The following NT5DC1 variants were observed in gnomAD, a reference collection of about 807,000 sequenced individuals.
The protein encoded by NT5DC1 is 5'-nucleotidase domain containing 1.
Under a neutral mutation model 59.4 loss-of-function variants are expected in NT5DC1, and 42 were observed. That is an observed-to-expected ratio of 0.71 (90% confidence interval 0.55 to 0.92). NT5DC1 has a LOEUF of 0.92. Ranked by LOEUF, NT5DC1 falls within the 40% of genes least tolerant of loss-of-function variation. The probability of loss-of-function intolerance (pLI) is 0.00; values close to 1 mark genes in which losing one functional copy is unlikely to be tolerated. For synonymous variants in NT5DC1, 172 were observed against 188.1 expected (o/e 0.91, Z 0.70); for missense variants, 501 against 537.1 (o/e 0.93, Z 0.66).
chr6:116,236,887 C>A, intron 8 of NT5DC1, 79 bp from the exon 9 acceptor site: 1 of 820,966 alleles, frequency 1.2e-6, no homozygotes, highest in Non-Finnish European at 2.1e-6. Context: ...TGTCCTGTAG[C>A]CATGCCCTAA....
chr6:116,199,460 T>C (rs1781301748), intron 6 of NT5DC1, among the ~76,000 whole-genome samples: 1 of 152,080 alleles, frequency 6.6e-6, no homozygotes, highest in Non-Finnish European at 1.5e-5. Flanking sequence ...TACCTATCTG[T>C]CATCAATGTT....
rs1223621721 is a variant in NT5DC1, at chr6:116,245,268, A to G, written c.*1244A>G. ...TTTATGCTGTGATTTCACTCTGTCT[A>G]TCATGGGCAGTATTAGAAAACACAC... On this transcript the variant is annotated 3_prime_UTR_variant, in exon 12 of 12. Coordinates refer to ENST00000319550, the MANE Select transcript of NT5DC1 (RefSeq NM_152729.3). 1 of 152,394 alleles carries G rather than the reference A, an allele frequency of 6.6e-6. No homozygotes were observed. The highest frequency in any genetic ancestry group is 1.5e-5 in the Non-Finnish European group (1 of 68,036). The allele number at this position is 152,394 out of a possible 1,614,324, so 9.4% of individuals were successfully genotyped here.
At chr6:116,120,716 C>T in intron 6 of NT5DC1, 2 of 1,579,682 alleles carry the variant, frequency 1.3e-6, no homozygotes, top group South Asian at 2.3e-5. Context: ...TCCTGGATCC[C>T]CTTTAGACCC....
intron 8 of NT5DC1, among the ~76,000 whole-genome samples, chr6:116,228,272 G>A (rs1781946561): frequency 6.6e-6 from 1 of 151,570 alleles, no homozygotes; most frequent in Non-Finnish European, 1.5e-5. Context: ...ACTTTGGGAG[G>A]CTGAGGCGGA....
chr6:116,177,495 T>A (rs1363104692), intron 6 of NT5DC1, among the ~76,000 whole-genome samples: 2 of 152,146 alleles, frequency 1.3e-5, no homozygotes, highest in Non-Finnish European at 2.9e-5. Flanking sequence ...TGATATAAAT[T>A]TTCTACTTAA....
chr6:116,221,811 C>CAGAAGA (rs1177886845), intron 7 of NT5DC1, among the ~76,000 whole-genome samples: 1 of 151,586 alleles, frequency 6.6e-6, no homozygotes, highest in African/African-American at 2.4e-5. Flanking sequence ...AAAAATGGTA[C>CAGAAGA]AGTAATTCCT....
chr6:116,120,014 T>G (rs922633569), intron 6 of NT5DC1: 3 of 1,375,994 alleles, frequency 2.2e-6, no homozygotes, highest in South Asian at 2.3e-5. Context: ...TTTTGTAGGG[T>G]GGGGTAGAGT....
chr6:116,168,295 T>A (rs1254507316), intron 6 of NT5DC1, among the ~76,000 whole-genome samples: 1 of 152,082 alleles, frequency 6.6e-6, no homozygotes, highest in East Asian at 1.9e-4. Context: ...TCTTTTCTTG[T>A]CTGCCTTTTG....
intron 6 of NT5DC1, among the ~76,000 whole-genome samples, chr6:116,145,159 C>G (rs1219258053): frequency 6.6e-6 from 1 of 152,098 alleles, no homozygotes; most frequent in Non-Finnish European, 1.5e-5. Flanking sequence ...TTAAACTCTC[C>G]TCCTCACTCT....
At chr6:116,231,697 T>G (rs1253267338) in intron 8 of NT5DC1, among the ~76,000 whole-genome samples, 1 of 152,214 alleles carries the variant, frequency 6.6e-6, no homozygotes, top group African/African-American at 2.4e-5. Flanking sequence ...AACTTTTTAC[T>G]TGTAACAGAA....
At position 116,242,244 on chromosome 6, in the gene NT5DC1, G is replaced by A. The variant is rs188911734; in HGVS notation, c.1253-1665G>A. Among the ~76,000 whole-genome samples the A allele has an allele frequency of 6.5e-3, 988 of 151,562 alleles. 7 individuals are homozygous for A. The highest frequency in any genetic ancestry group is 9.7e-3 in the Non-Finnish European group (660 of 67,816). ...AAATTAGCCGGGTATGGTGGCGGGCGCCTGTGGGAGGCTGAGGTAGGAGAA... is the reference window on the plus strand; with the variant it reads ...AAATTAGCCGGGTATGGTGGCGGGCACCTGTGGGAGGCTGAGGTAGGAGAA... On this transcript the variant is annotated intron_variant, in intron 11 of 11. Transcript: ENST00000319550.
At chr6:116,227,568 T>C (rs957489381) in intron 8 of NT5DC1, among the ~76,000 whole-genome samples, 1 of 152,208 alleles carries the variant, frequency 6.6e-6, no homozygotes, top group African/African-American at 2.4e-5. Context: ...GCTAAACTAA[T>C]TTACAATCCC....
intron 6 of NT5DC1, among the ~76,000 whole-genome samples, chr6:116,129,213 CAT>C (rs1301873847): frequency 2.0e-5 from 3 of 152,076 alleles, no homozygotes; most frequent in African/African-American, 7.2e-5. Context: ...CATATATAGA[CAT>C]GTATATACAC....
intron 6 of NT5DC1, among the ~76,000 whole-genome samples, chr6:116,217,068 G>T (rs898562038): frequency 2.0e-5 from 3 of 152,176 alleles, no homozygotes; most frequent in African/African-American, 7.2e-5. Context: ...CATGCAAACA[G>T]TAGTGATACA....
chr6:116,193,055 T>C (rs1196174067), intron 6 of NT5DC1, among the ~76,000 whole-genome samples: 1 of 152,104 alleles, frequency 6.6e-6, no homozygotes, highest in Non-Finnish European at 1.5e-5. Context: ...TTACTAAAGC[T>C]GTACAGAATA....
chr6:116,199,236 T>C (rs1781297622), intron 6 of NT5DC1, among the ~76,000 whole-genome samples: 1 of 152,100 alleles, frequency 6.6e-6, no homozygotes, highest in East Asian at 1.9e-4. Flanking sequence ...GTTACGCCTA[T>C]TAAATTTTAC....
chr6:116,116,414 C>T (rs1358262530), intron 5 of NT5DC1, among the ~76,000 whole-genome samples: 6 of 152,172 alleles, frequency 3.9e-5, no homozygotes, highest in Non-Finnish European at 8.8e-5. Flanking sequence ...GAGGCCAAAA[C>T]AGGCGGATCA....
intron 6 of NT5DC1, among the ~76,000 whole-genome samples, chr6:116,205,004 A>G (rs1781422815): frequency 6.6e-6 from 1 of 152,042 alleles, no homozygotes; most frequent in African/African-American, 2.4e-5. Flanking sequence ...GATACACACC[A>G]AAATGTGAAC....
chr6:116,178,548 A>G (rs763067037), intron 6 of NT5DC1, among the ~76,000 whole-genome samples: 2 of 152,252 alleles, frequency 1.3e-5, no homozygotes, highest in African/African-American at 4.8e-5. Flanking sequence ...TAAAGAAGTC[A>G]TAACTAGTGT....
Sources: allele counts gnomAD v4.1 joint callset (sites outside exome capture counted in the v4.1 genomes callset), GRCh38; gene constraint gnomAD v4.1.1; transcripts MANE v1.5; gene names NCBI Gene and HGNC (gene_info 2026-07-23, HGNC 2026-07-21).